SATL1: variants seen among roughly 807,000 people sequenced by gnomAD.
SATL1 encodes the protein spermidine/spermine N1-acetyl transferase like 1, also known as spermidine/spermine N(1)-acetyltransferase-like protein 1.
A neutral mutation model predicts 51.8 loss-of-function variants in SATL1; 47 were observed. That is an observed-to-expected ratio of 0.91 (90% CI 0.72 to 1.16). The LOEUF (loss-of-function observed/expected upper bound fraction) is 1.16, where lower values mean the gene tolerates loss of function less well. Ranked by LOEUF, SATL1 falls within the 50% of genes most tolerant of loss-of-function variation. SATL1 has a pLI of 0.00. For synonymous variants in SATL1, 176 were observed against 182.4 expected, an observed-to-expected ratio of 0.97 and a Z score of 0.28; for missense variants, 520 against 526.4, an observed-to-expected ratio of 0.99 and a Z score of 0.12.
intron 2 of SATL1, among the ~76,000 whole-genome samples, chrX:85,122,023 T>TAA (rs371866938): frequency 5.1e-5 from 5 of 97,137 alleles, no homozygotes; most frequent in Admixed American, 1.1e-4. Context: ...ACTAAATAGG[T>TAA]AAAAAAAAAA....
At chrX:85,162,188 G>A (rs1926735682) in intron 2 of SATL1, among the ~76,000 whole-genome samples, 1 of 111,659 alleles carries the variant, frequency 9.0e-6, no homozygotes. Context: ...AATTATAGCA[G>A]TAAATGCCCA....
intron 4 of SATL1, among the ~76,000 whole-genome samples, chrX:85,102,831 C>A (rs191996528): frequency 1.2e-4 from 13 of 110,904 alleles, no homozygotes; most frequent in Middle Eastern, 4.6e-3. Flanking sequence ...ATTATATACT[C>A]AACAGTTGAG....
Position 85,092,298 on chromosome X carries a change from G to T in SATL1, c.*93C>A. The T allele has an allele frequency of 1.1e-6, 1 of 917,637 alleles. No individual in the cohort carries two copies. The highest frequency in any genetic ancestry group is 1.5e-6 in the Non-Finnish European group (1 of 683,977). The allele number at this position is 917,637 out of a possible 1,213,427, so 75.6% of individuals were successfully genotyped here. On this transcript the variant is annotated 3_prime_UTR_variant, in exon 8 of 8. Coordinates refer to ENST00000644105, the MANE Select transcript of SATL1 (RefSeq NM_001367857.2). ...TCAAACAAGAATGTGATGATCACTT[G>T]CTGTATTGTACAACAAAGTCAAACT...
At chrX:85,206,629 T>C (rs1425512795) in intron 2 of SATL1, among the ~76,000 whole-genome samples, 2 of 109,119 alleles carry the variant, frequency 1.8e-5, no homozygotes, top group African/African-American at 6.7e-5. Flanking sequence ...ACTGAAAGAG[T>C]GGTGAAGGAG....
At chrX:85,153,308 A>G (rs1393705814) in intron 2 of SATL1, among the ~76,000 whole-genome samples, 1 of 111,438 alleles carries the variant, frequency 9.0e-6, no homozygotes, top group Non-Finnish European at 1.9e-5. Flanking sequence ...GCGAGGAAAC[A>G]CTCAGGTTGC....
intron 1 of SATL1, among the ~76,000 whole-genome samples, chrX:85,226,533 G>A (rs1928279937): frequency 9.0e-6 from 1 of 111,416 alleles, no homozygotes; most frequent in African/African-American, 3.3e-5. Context: ...GGGATACAAT[G>A]ATAAAACTGG....
At chrX:85,208,544 G>C (rs375513783) in intron 2 of SATL1, among the ~76,000 whole-genome samples, 1 of 111,265 alleles carries the variant, frequency 9.0e-6, no homozygotes, top group African/African-American at 3.3e-5. Flanking sequence ...CTATTTCTCC[G>C]CATCCTCTCC....
chrX:85,228,176 A>G (rs1168380508), intron 1 of SATL1, among the ~76,000 whole-genome samples: 1 of 111,323 alleles, frequency 9.0e-6, no homozygotes, highest in Non-Finnish European at 1.9e-5. Context: ...TACAAGCATC[A>G]GAAGATAACT....
intron 2 of SATL1, among the ~76,000 whole-genome samples, chrX:85,138,534 T>A (rs1365132526): frequency 8.9e-6 from 1 of 111,885 alleles, no homozygotes; most frequent in African/African-American, 3.2e-5. Context: ...CCCAAGCAGG[T>A]CCATTCTCAG....
chrX:85,150,870 A>G (rs1346782452), intron 2 of SATL1, among the ~76,000 whole-genome samples: 1 of 110,093 alleles, frequency 9.1e-6, no homozygotes, highest in Admixed American at 9.8e-5. Context: ...TACTGAATGG[A>G]CAAATACTGG....
At chrX:85,135,239 C>A (rs1229717381) in intron 2 of SATL1, among the ~76,000 whole-genome samples, 1 of 110,829 alleles carries the variant, frequency 9.0e-6, no homozygotes, top group Non-Finnish European at 1.9e-5. Context: ...TAATTCCTGG[C>A]TGATGGGTTG....
intron 1 of SATL1, among the ~76,000 whole-genome samples, chrX:85,227,210 G>A (rs1208243068): frequency 9.0e-6 from 1 of 111,213 alleles, no homozygotes; most frequent in Non-Finnish European, 1.9e-5. Flanking sequence ...CAATCATGTT[G>A]CCTCTCATTT....
In SATL1 at chrX:85,212,076, C is replaced by G. The variant is rs563778822; in HGVS notation, c.-313+12129G>C. ...GAACTGTATCTCCACTTCCTCGGTTCTCTGGAATAAATTACAAGTAAGTTA... is the reference window on the plus strand; with the variant it reads ...GAACTGTATCTCCACTTCCTCGGTTGTCTGGAATAAATTACAAGTAAGTTA... On this transcript the variant is annotated intron_variant, in intron 2 of 7. Coordinates refer to ENST00000644105, the MANE Select transcript of SATL1 (RefSeq NM_001367857.2). The G allele has an allele frequency of 5.4e-5, 6 of 111,267 alleles. No individual in the cohort carries two copies. In the South Asian group the frequency reaches 1.5e-3, roughly 28 times the overall value. 9.2% of individuals were successfully genotyped at this position (111,267 alleles called of 1,213,427 possible).
chrX:85,108,441 T>G lies in SATL1; in HGVS notation c.528A>C (p.Thr176=). The G allele has an allele frequency of 8.3e-7, 1 of 1,212,084 alleles. No individual in the cohort carries two copies. The highest frequency in any genetic ancestry group is 1.1e-6 in the Non-Finnish European group (1 of 895,610). The change falls in exon 3 of 8, where the codon ACA becomes ACC. Residue 176 remains threonine (T), a synonymous_variant. Transcript: ENST00000644105. ...GCCTCAGGACTGGTTGGCTCAGTCC[T>G]GTTTGCCATGTGCCTGGTTGGCTCA... ...IGMSQPGTWQ[T]GLSQPVLRQP...
chrX:85,148,609 C>T (rs752253126), intron 2 of SATL1, among the ~76,000 whole-genome samples: 5 of 111,496 alleles, frequency 4.5e-5, no homozygotes, highest in Middle Eastern at 4.6e-3. Flanking sequence ...AGACTAACAG[C>T]GGATCTCTCG....
chrX:85,102,497 G>A (rs915262382), intron 4 of SATL1, among the ~76,000 whole-genome samples: 5 of 111,463 alleles, frequency 4.5e-5, no homozygotes, highest in Non-Finnish European at 9.4e-5. Context: ...ATAGGTAAGA[G>A]TAAACAAAAA....
intron 2 of SATL1, among the ~76,000 whole-genome samples, chrX:85,118,086 G>GTTTTTTTTTTTTTTTTTTT (rs780585183): frequency 2.1e-4 from 8 of 38,820 alleles, no homozygotes; most frequent in Admixed American, 3.9e-4. Flanking sequence ...AAAGAACTTA[G>GTTTTTTTTTTTTTTTTTTT]CTTTTTTTTT....
At position 85,108,602 on chromosome X, in the gene SATL1, G is replaced by A. The variant is rs775428639; in HGVS notation, c.367C>T (p.Arg123Cys). 56 of 1,201,323 alleles carry A rather than the reference G, an allele frequency of 4.7e-5. No homozygotes were observed. Among genetic ancestry groups the A allele is most frequent in the South Asian group, 1.1e-4 (6 of 55,751 alleles). The part of the protein sequence containing the change: ...GPSQSGPSQS[R>C]MRQIGTNQSG... ...TGGTTCGTGCCTATTTGCCTCATGCGTGATTGGCTGGGGCCTGATTGGCTT... is the reference window on the plus strand; with the variant it reads ...TGGTTCGTGCCTATTTGCCTCATGCATGATTGGCTGGGGCCTGATTGGCTT... Residue 123 changes from arginine to cysteine, a missense_variant, in exon 3 of 8, where the codon CGC becomes TGC. By Grantham distance (180) the Arg-to-Cys change is radical. This residue lies in a region of SATL1 where 488 missense variants were observed against 474.3 expected (regional missense o/e 1.03). Coordinates refer to ENST00000644105, the MANE Select transcript of SATL1 (RefSeq NM_001367857.2).
rs1476256789 is a variant in SATL1, at chrX:85,101,235, A to T, written c.1693+2629T>A. Among the ~76,000 whole-genome samples, 3 of 112,381 alleles carry T rather than the reference A, an allele frequency of 2.7e-5. No individual in the cohort carries two copies. The East Asian group carries it at 8.4e-4, about 31-fold the overall frequency. On this transcript the variant is annotated intron_variant, in intron 4 of 7. Transcript: ENST00000644105. Reference sequence around the variant, plus strand: ...AAAATCTTTTGTATGTGAAAGGGCAATATCAAGAGTAAAAAGGCAACCCAT... The same window carrying T: ...AAAATCTTTTGTATGTGAAAGGGCATTATCAAGAGTAAAAAGGCAACCCAT...
Sources: allele counts gnomAD v4.1 joint callset (sites outside exome capture counted in the v4.1 genomes callset), GRCh38; gene constraint gnomAD v4.1.1; regional missense constraint gnomAD v4.1.1; transcripts MANE v1.5; gene names NCBI Gene and HGNC (gene_info 2026-07-23, HGNC 2026-07-21).